The following MRPL21 variants were observed in gnomAD, a reference collection of about 807,000 sequenced individuals.
The protein encoded by MRPL21 is large ribosomal subunit protein bL21m.
In MRPL21, 20 loss-of-function variants were observed where a neutral mutation model predicts 27.3. The observed-to-expected ratio is 0.73, with a 90% CI of 0.52 to 1.06. The LOEUF (loss-of-function observed/expected upper bound fraction) is 1.06, where lower values mean the gene tolerates loss of function less well. Ranked by LOEUF, MRPL21 falls within the 50% of genes least tolerant of loss-of-function variation. MRPL21 has a pLI of 0.00. For synonymous variants in MRPL21, 98 were observed against 101.5 expected, an observed-to-expected ratio of 0.97 and a Z score of 0.21; for missense variants, 249 against 251.4, an observed-to-expected ratio of 0.99 and a Z score of 0.06.
intron 1 of MRPL21, 77 bp from the exon 2 acceptor site, chr11:68,900,682 C>A: frequency 8.0e-7 from 1 of 1,257,098 alleles, no homozygotes; most frequent in Non-Finnish European, 1.2e-6. Context: ...GCTAAATGCA[C>A]AGCTGCTGCT....
chr11:68,902,937 T>C (rs1206980547), intron 1 of MRPL21, among the ~76,000 whole-genome samples: 1 of 152,214 alleles, frequency 6.6e-6, no homozygotes, highest in African/African-American at 2.4e-5. Flanking sequence ...CTTAGTAACA[T>C]GTATGTAAGT....
At chr11:68,900,929 C>T (rs1159730135) in intron 1 of MRPL21, among the ~76,000 whole-genome samples, 1 of 152,226 alleles carries the variant, frequency 6.6e-6, no homozygotes, top group Non-Finnish European at 1.5e-5. Context: ...CCAAGATGGC[C>T]CTGCTGGGCC....
chr11:68,902,735 T>C (rs1344428798), intron 1 of MRPL21, among the ~76,000 whole-genome samples: 2 of 152,222 alleles, frequency 1.3e-5, no homozygotes, highest in African/African-American at 2.4e-5. Context: ...TATAATGACA[T>C]GTATCTACCA....
At chr11:68,901,484 C>G (rs533222463) in intron 1 of MRPL21, among the ~76,000 whole-genome samples, 1 of 152,330 alleles carries the variant, frequency 6.6e-6, no homozygotes, top group East Asian at 1.9e-4. Flanking sequence ...AAGCAGAGAA[C>G]AGTTTCTCAA....
chr11:68,898,054 A>T, intron 2 of MRPL21, 42 bp from the exon 3 acceptor site: 1 of 1,511,516 alleles, frequency 6.6e-7, no homozygotes. Context: ...AAGCACCTGA[A>T]AAGGCAGCTC....
chr11:68,896,451 G>A (rs943783940), intron 4 of MRPL21, 64 bp downstream of exon 4: 1 of 1,579,422 alleles, frequency 6.3e-7, no homozygotes, highest in Non-Finnish European at 8.7e-7. Flanking sequence ...TGTGAGCTGG[G>A]GCGTGGAGAT....
intron 5 of MRPL21, 71 bp downstream of exon 5, chr11:68,893,332 T>C: frequency 6.2e-7 from 1 of 1,604,384 alleles, no homozygotes; most frequent in South Asian, 1.1e-5. Context: ...CTGGCCTAAT[T>C]GCACTGTGAC....
chr11:68,895,945 G>A (rs1857775729), intron 4 of MRPL21, among the ~76,000 whole-genome samples: 1 of 152,164 alleles, frequency 6.6e-6, no homozygotes, highest in Non-Finnish European at 1.5e-5. Context: ...TCCCAATGTG[G>A]TGGGTCACCA....
intron 3 of MRPL21, 36 bp from the exon 4 acceptor site, chr11:68,896,714 C>T: frequency 6.2e-7 from 1 of 1,611,204 alleles, no homozygotes; most frequent in Non-Finnish European, 8.5e-7. Context: ...CAGTCACCCT[C>T]ACCTGCTCCC....
intron 2 of MRPL21, among the ~76,000 whole-genome samples, chr11:68,899,407 T>C (rs1002379616): frequency 7.2e-5 from 11 of 152,150 alleles, no homozygotes; most frequent in Admixed American, 5.9e-4. Flanking sequence ...ACCCGTCCTG[T>C]TGGCTGGCGC....
intron 4 of MRPL21, 149 bp downstream of exon 4, chr11:68,896,366 C>T: frequency 1.9e-6 from 2 of 1,027,552 alleles, no homozygotes; most frequent in Non-Finnish European, 1.4e-6. Flanking sequence ...GCCGTGGGCG[C>T]CCCCCAAAGT....
intron 1 of MRPL21, among the ~76,000 whole-genome samples, 176 bp from the exon 2 acceptor site, chr11:68,900,781 T>C (rs188164897): frequency 2.7e-4 from 41 of 152,322 alleles, no homozygotes; most frequent in Non-Finnish European, 2.9e-4. Context: ...TTACAGCTAC[T>C]GGTTATATGT....
chr11:68,893,163 C>T (rs1031009059), intron 5 of MRPL21, among the ~76,000 whole-genome samples, 170 bp from the exon 6 acceptor site: 1 of 152,264 alleles, frequency 6.6e-6, no homozygotes, highest in East Asian at 1.9e-4. Flanking sequence ...AAGAACAGTT[C>T]CAGGGAGTCT....
At chr11:68,900,789 T>A (rs549085070) in intron 1 of MRPL21, among the ~76,000 whole-genome samples, 184 bp from the exon 2 acceptor site, 1 of 152,328 alleles carries the variant, frequency 6.6e-6, no homozygotes, top group Admixed American at 6.5e-5. Context: ...ACTGGTTATA[T>A]GTGTTGAGAT....
chr11:68,896,760 TG>T (rs1384989464), intron 3 of MRPL21, 82 bp from the exon 4 acceptor site: 17 of 1,571,538 alleles, frequency 1.1e-5, no homozygotes, highest in Non-Finnish European at 1.3e-5. Context: ...CTCCTGGTGG[TG>T]GGGCCCTAGG....
intron 2 of MRPL21, among the ~76,000 whole-genome samples, chr11:68,899,843 C>T (rs1364937834): frequency 6.6e-6 from 1 of 152,228 alleles, no homozygotes; most frequent in African/African-American, 2.4e-5. Context: ...TGAGTGCTGA[C>T]TGTATGCCAG....
intron 1 of MRPL21, among the ~76,000 whole-genome samples, chr11:68,902,176 C>T (rs1857956227): frequency 6.6e-6 from 1 of 152,218 alleles, no homozygotes; most frequent in African/African-American, 2.4e-5. Flanking sequence ...CTGTTTTGGT[C>T]ACCTTGTCTC....
In MRPL21 at chr11:68,891,589, A is replaced by C; in HGVS notation, c.554-194T>G. The stretch of plus-strand genomic sequence containing the variant: ...TCGTTCACTCTGTTGGCAGGTGCAG[A>C]GGCTGGGACACCAGACGCCTCATGG... On this transcript the variant is annotated intron_variant, in intron 6 of 6. Transcript: ENST00000362034. The C allele has an allele frequency of 4.8e-6, 3 of 624,696 alleles. No individual in the cohort carries two copies. In the East Asian group the frequency reaches 8.2e-5, roughly 17 times the overall value. 38.7% of individuals were successfully genotyped at this position (624,696 alleles called of 1,614,324 possible). A position where few individuals can be genotyped will look rare whatever the true frequency, so the allele number is the denominator to read the frequency against.
At chr11:68,893,063 C>A (rs1012439094) in intron 5 of MRPL21, 70 bp from the exon 6 acceptor site, 9 of 1,453,216 alleles carry the variant, frequency 6.2e-6, no homozygotes, top group Non-Finnish European at 8.2e-6. Flanking sequence ...GTGAGAATTT[C>A]TAAAATGAAG....
Sources: allele counts gnomAD v4.1 joint callset (sites outside exome capture counted in the v4.1 genomes callset), GRCh38; gene constraint gnomAD v4.1.1; transcripts MANE v1.5; gene names NCBI Gene and HGNC (gene_info 2026-07-23, HGNC 2026-07-21).